Variants in ROBO1 observed in about 807,000 individuals in gnomAD.
The protein encoded by ROBO1 is roundabout guidance receptor 1.
A neutral mutation model predicts 195.9 loss-of-function variants in ROBO1; 149 were observed. That is an observed-to-expected ratio of 0.76 (90% confidence interval 0.67 to 0.87). ROBO1 has a LOEUF of 0.87. Among genes scored for constraint, ROBO1 ranks in the 40% least tolerant of loss-of-function variants. The pLI is 0.00. For synonymous variants in ROBO1, 816 were observed against 733.2 expected, an observed-to-expected ratio of 1.11 and a Z score of -1.82; for missense variants, 1,933 against 2,068.3, an observed-to-expected ratio of 0.93 and a Z score of 1.27.
intron 3 of ROBO1, among the ~76,000 whole-genome samples, chr3:78,973,911 AGT>A (rs2107934828): frequency 6.6e-6 from 1 of 152,140 alleles, no homozygotes; most frequent in African/African-American, 2.4e-5. Flanking sequence ...AAAACTCTTG[AGT>A]GTGTATCATA....
chr3:79,433,336 ATGCATCTAT>A lies in ROBO1; in HGVS notation c.88+156479_88+156487del, dbSNP rs2038754518. 3.3e-5 allele frequency among the ~76,000 whole-genome samples: 5 copies of A among 152,170 alleles called. No individual in the cohort carries two copies. In the South Asian group the frequency reaches 1.0e-3, roughly 31 times the overall value. On this transcript the variant is annotated intron_variant, in intron 2 of 30. Transcript: ENST00000464233. ...AGAATAATGGCATCCAGCTCCATCT[ATGCATCTAT>A]TGCATCTATGTCCCTGCAAATGACA...
chr3:78,792,770 AT>A (rs1414379085), intron 4 of ROBO1, among the ~76,000 whole-genome samples: 3 of 152,172 alleles, frequency 2.0e-5, no homozygotes, highest in Admixed American at 2.0e-4. Context: ...TTATAATCAC[AT>A]TATAAAATAA....
intron 2 of ROBO1, among the ~76,000 whole-genome samples, chr3:79,174,474 G>C (rs1265108969): frequency 2.0e-5 from 3 of 152,032 alleles, no homozygotes; most frequent in Admixed American, 2.0e-4. Flanking sequence ...TCACCGCGAG[G>C]GTCTGCAGCG....
intron 28 of ROBO1, among the ~76,000 whole-genome samples, chr3:78,613,380 T>C (rs747373881): frequency 5.9e-5 from 9 of 152,202 alleles, no homozygotes; most frequent in Non-Finnish European, 1.2e-4. Flanking sequence ...GTCCCATAAA[T>C]GTAAAATTGC....
rs2034517225 is a variant in ROBO1 at position 79,333,108 on chromosome 3, C to G, written c.89-207569G>C. ...GTCCCAGCTGCTTGGGAGGCTTAGACAGGCGAATTGCTTGAACCTGAGAGG... is the reference window on the plus strand; with the variant it reads ...GTCCCAGCTGCTTGGGAGGCTTAGAGAGGCGAATTGCTTGAACCTGAGAGG... On this transcript the variant is annotated intron_variant, in intron 2 of 30. Coordinates refer to ENST00000464233, the MANE Select transcript of ROBO1 (RefSeq NM_002941.4). 7.9e-5 allele frequency among the ~76,000 whole-genome samples: 12 copies of G among 151,546 alleles called. No individual in the cohort carries two copies. The South Asian group carries it at 2.5e-3, about 32-fold the overall frequency.
intron 8 of ROBO1, among the ~76,000 whole-genome samples, chr3:78,689,599 T>A (rs952782731): frequency 6.6e-6 from 1 of 152,140 alleles, no homozygotes; most frequent in Non-Finnish European, 1.5e-5. Context: ...TAAGTCTTTT[T>A]ACCTACTGTT....
intron 1 of ROBO1, among the ~76,000 whole-genome samples, chr3:79,623,792 A>G (rs1307489204): frequency 6.6e-6 from 1 of 152,200 alleles, no homozygotes. Context: ...AATCCAGGAG[A>G]ACTTTCCCAA....
At chr3:79,011,063 T>C (rs1023556123) in intron 3 of ROBO1, among the ~76,000 whole-genome samples, 1 of 152,182 alleles carries the variant, frequency 6.6e-6, no homozygotes, top group African/African-American at 2.4e-5. Context: ...AACTTGCTAA[T>C]GGAACGGTCT....
At chr3:78,924,917 TTAAA>T (rs1341264812) in intron 4 of ROBO1, among the ~76,000 whole-genome samples, 2 of 151,956 alleles carry the variant, frequency 1.3e-5, no homozygotes, top group Non-Finnish European at 2.9e-5. Flanking sequence ...TTTAAAATAC[TTAAA>T]TTAATAATTT....
At chr3:78,911,084 C>G (rs2038215266) in intron 4 of ROBO1, among the ~76,000 whole-genome samples, 2 of 151,932 alleles carry the variant, frequency 1.3e-5, no homozygotes, top group Admixed American at 6.6e-5. Flanking sequence ...AAAATTAAGT[C>G]AAAGAGATCA....
chr3:79,575,779 C>T (rs1173204886), intron 2 of ROBO1, among the ~76,000 whole-genome samples: 1 of 151,282 alleles, frequency 6.6e-6, no homozygotes, highest in African/African-American at 2.4e-5. Flanking sequence ...AGTCATCTTG[C>T]TAAACAATCT....
At chr3:79,045,666 C>A (rs1028540260) in intron 3 of ROBO1, among the ~76,000 whole-genome samples, 22 of 152,050 alleles carry the variant, frequency 1.4e-4, no homozygotes, top group African/African-American at 3.9e-4. Context: ...TAAAAAAATC[C>A]ATTTTTAAGG....
rs150782743 is a variant in ROBO1 at position 78,690,566 on chromosome 3, C to T, written c.1046-1794G>A. Among the ~76,000 whole-genome samples the T allele has an allele frequency of 3.8e-3, 578 of 152,108 alleles. 3 individuals carry two copies. Among genetic ancestry groups the T allele is most frequent in the African/African-American group, 0.012 (497 of 41,534 alleles). On this transcript the variant is annotated intron_variant, in intron 8 of 30. Transcript: ENST00000464233. ...AGGGCATCACTGCTTGGGGATTTTC[C>T]TCCAGTACAAATCCATACAGGAGCA...
At chr3:78,813,148 G>C (rs2084793761) in intron 4 of ROBO1, among the ~76,000 whole-genome samples, 1 of 151,580 alleles carries the variant, frequency 6.6e-6, no homozygotes, top group African/African-American at 2.4e-5. Context: ...TCTAATCTTT[G>C]GAAAAACAAA....
chr3:79,317,455 T>C (rs567101952), intron 2 of ROBO1, among the ~76,000 whole-genome samples: 1 of 152,264 alleles, frequency 6.6e-6, no homozygotes, highest in South Asian at 2.1e-4. Context: ...CAAAATTACT[T>C]ACCTAAAACT....
chr3:78,629,891 G>C (rs1469608114), intron 25 of ROBO1, among the ~76,000 whole-genome samples: 1 of 152,122 alleles, frequency 6.6e-6, no homozygotes, highest in Non-Finnish European at 1.5e-5. Flanking sequence ...TTGCTTTCTT[G>C]TGTCAGTTCT....
At chr3:79,113,803 A>G (rs1412575200) in intron 3 of ROBO1, among the ~76,000 whole-genome samples, 1 of 152,122 alleles carries the variant, frequency 6.6e-6, no homozygotes, top group African/African-American at 2.4e-5. Context: ...GAAATATACA[A>G]TAGGCCTTTA....
intron 1 of ROBO1, among the ~76,000 whole-genome samples, chr3:79,669,075 C>A (rs1576205111): frequency 6.6e-6 from 1 of 152,006 alleles, no homozygotes; most frequent in Non-Finnish European, 1.5e-5. Context: ...CTACCCAAAT[C>A]TCACCTTGTA....
Position 79,350,808 on chromosome 3 carries a change from C to T in ROBO1, c.89-225269G>A, listed in dbSNP as rs114760866. Among the ~76,000 whole-genome samples the T allele has an allele frequency of 1.1e-3, 168 of 152,182 alleles. 1 individual carries two copies. Among genetic ancestry groups the T allele is most frequent in the Non-Finnish European group, 1.9e-3 (132 of 68,012 alleles). On this transcript the variant is annotated intron_variant, in intron 2 of 30. Transcript: ENST00000464233. ...GGATTGGAGAGTAGAAGGGCAGTAGCTAAAATTACAAGAATTCTTTTTTTT... is the reference window on the plus strand; with the variant it reads ...GGATTGGAGAGTAGAAGGGCAGTAGTTAAAATTACAAGAATTCTTTTTTTT...
Sources: allele counts gnomAD v4.1 joint callset (sites outside exome capture counted in the v4.1 genomes callset), GRCh38; gene constraint gnomAD v4.1.1; transcripts MANE v1.5; gene names NCBI Gene and HGNC (gene_info 2026-07-23, HGNC 2026-07-21).